SLC14A2: variants seen among roughly 807,000 people sequenced by gnomAD.
SLC14A2 encodes the protein solute carrier family 14 member 2, also known as urea transporter 2.
A neutral mutation model predicts 104.6 loss-of-function variants in SLC14A2; 91 were observed. The ratio of observed to expected loss-of-function variants is 0.87; its 90% confidence interval spans 0.73 to 1.04. The LOEUF is 1.04. Ranked by LOEUF, SLC14A2 falls within the 50% of genes least tolerant of loss-of-function variation. SLC14A2 has a pLI of 0.00. For synonymous variants in SLC14A2, 476 were observed against 466.4 expected, an observed-to-expected ratio of 1.02 and a Z score of -0.27; for missense variants, 1,189 against 1,156.0, an observed-to-expected ratio of 1.03 and a Z score of -0.41.
chr18:45,198,965 A>T, the SLC14A2 span, among the ~76,000 whole-genome samples: 7 of 152,156 alleles, frequency 4.6e-5, no homozygotes, highest in South Asian at 1.2e-3. Flanking sequence ...CTTCTTCTGG[A>T]TTTAATTTTT....
chr18:45,569,436 T>C (rs2044315306), intron 2 of SLC14A2, among the ~76,000 whole-genome samples: 1 of 152,220 alleles, frequency 6.6e-6, no homozygotes, highest in South Asian at 2.1e-4. Context: ...GAATCTACTA[T>C]GAGCTTCCTC....
rs1044993359 is a variant in SLC14A2 at position 45,235,796 on chromosome 18, C to T, written c.-125+22605C>T. Among the ~76,000 whole-genome samples, 59 of 114,288 alleles carry T rather than the reference C, an allele frequency of 5.2e-4. 2 individuals are homozygous for T. Among genetic ancestry groups the T allele is most frequent in the South Asian group, 7.6e-4 (3 of 3,922 alleles). 75.0% of individuals were successfully genotyped at this position (114,288 alleles called of 152,430 possible). ...TGAGTAGCATTCCAATGTGTATGCG[C>T]GTGTGTGTGTGTGTGTGTATATATA... is the stretch of plus-strand genomic sequence containing the variant. On this transcript the variant is annotated intron_variant, in intron 1 of 20. Coordinates refer to the SLC14A2 transcript ENST00000586448.
intron 2 of SLC14A2, among the ~76,000 whole-genome samples, chr18:45,603,192 CA>C (rs1004889391): frequency 3.9e-5 from 6 of 152,066 alleles, no homozygotes; most frequent in African/African-American, 1.4e-4. Context: ...CAATCATTCA[CA>C]ACAGTGAGAA....
At chr18:45,574,914 A>G (rs74354576) in intron 2 of SLC14A2, among the ~76,000 whole-genome samples, 8,585 of 152,210 alleles carry the variant, frequency 0.056, 255 homozygotes, top group Non-Finnish European at 0.064. Flanking sequence ...AGCCTCCTAT[A>G]AATAGCCACC....
At chr18:45,176,106 C>T in the SLC14A2 span, among the ~76,000 whole-genome samples, 88 of 152,052 alleles carry the variant, frequency 5.8e-4, no homozygotes, top group Middle Eastern at 3.2e-3. Context: ...ACTGGCTGTC[C>T]GCCTCTGCCA....
At chr18:45,187,875 T>C in the SLC14A2 span, among the ~76,000 whole-genome samples, 1 of 152,132 alleles carries the variant, frequency 6.6e-6, no homozygotes, top group Admixed American at 6.6e-5. Flanking sequence ...TGAGATTGAG[T>C]CATCTTATGC....
intron 1 of SLC14A2, among the ~76,000 whole-genome samples, chr18:45,422,417 A>G (rs1188856551): frequency 1.3e-5 from 2 of 152,204 alleles, no homozygotes; most frequent in Non-Finnish European, 2.9e-5. Context: ...TAGAAGAAAT[A>G]GTTGGTGCCA....
intron 1 of SLC14A2, among the ~76,000 whole-genome samples, chr18:45,227,172 T>C (rs1301320403): frequency 6.6e-6 from 1 of 152,042 alleles, no homozygotes; most frequent in Non-Finnish European, 1.5e-5. Flanking sequence ...CACACTAGCC[T>C]CCCCAGCTGA....
At chr18:45,279,387 G>A (rs900327288) in intron 1 of SLC14A2, among the ~76,000 whole-genome samples, 2 of 152,188 alleles carry the variant, frequency 1.3e-5, no homozygotes, top group African/African-American at 4.8e-5. Flanking sequence ...TTGAGGGCTT[G>A]CAGTAAAAAG....
At chr18:45,616,586 C>A (rs987937059) in intron 1 of SLC14A2, among the ~76,000 whole-genome samples, 3 of 152,098 alleles carry the variant, frequency 2.0e-5, no homozygotes, top group Non-Finnish European at 4.4e-5. Flanking sequence ...ACTGGGGAGA[C>A]TGAAGTGAGG....
intron 1 of SLC14A2, among the ~76,000 whole-genome samples, chr18:45,617,327 A>C (rs1568300164): frequency 6.6e-6 from 1 of 152,036 alleles, no homozygotes; most frequent in Non-Finnish European, 1.5e-5. Context: ...CCTGCAGCAG[A>C]AACCAGAAAG....
chr18:45,481,467 C>T (rs1274895689), intron 1 of SLC14A2, among the ~76,000 whole-genome samples: 2 of 152,114 alleles, frequency 1.3e-5, no homozygotes, highest in Admixed American at 6.5e-5. Context: ...CCTGAAATTG[C>T]ACCCTTAGCT....
chr18:45,563,808 G>C (rs956155000), intron 2 of SLC14A2, among the ~76,000 whole-genome samples: 1 of 152,058 alleles, frequency 6.6e-6, no homozygotes, highest in Non-Finnish European at 1.5e-5. Flanking sequence ...TATTATTCAC[G>C]GTTTGGAAAG....
intron 1 of SLC14A2, among the ~76,000 whole-genome samples, chr18:45,365,658 G>T (rs916557243): frequency 6.6e-6 from 1 of 152,124 alleles, no homozygotes; most frequent in African/African-American, 2.4e-5. Flanking sequence ...ATACCTCCCT[G>T]CTCGGTGCTC....
chr18:45,258,274 T>C lies in SLC14A2; in HGVS notation c.-125+45083T>C, dbSNP rs954462964. On this transcript the variant is annotated intron_variant, in intron 1 of 20. Transcript: ENST00000586448. The stretch of plus-strand genomic sequence containing the variant: ...CCTTTCTGTGATGGGAGGTTGACAA[T>C]GGTAGGACATAGTGCCCAGGAGCCT... Among the ~76,000 whole-genome samples, 3 of 141,650 alleles carry C rather than the reference T, an allele frequency of 2.1e-5. 1 individual carries two copies. Among genetic ancestry groups the C allele is most frequent in the African/African-American group, 8.4e-5 (3 of 35,752 alleles). 92.9% of individuals were successfully genotyped at this position (141,650 alleles called of 152,430 possible).
Position 45,636,171 on chromosome 18 carries a change from C to T in SLC14A2, c.651-819C>T, listed in dbSNP as rs947179346. Among the ~76,000 whole-genome samples the T allele has an allele frequency of 2.2e-4, 34 of 152,164 alleles. 1 individual carries two copies. Among genetic ancestry groups the T allele is most frequent in the Admixed American group, 5.2e-4 (8 of 15,272 alleles). On this transcript the variant is annotated intron_variant, in intron 5 of 19. Transcript: ENST00000255226. ...AGGAGGGTTTTCAGGAAGTCTTAAA[C>T]GCCTTTTTGAAATTCATGGTCATTC...
intron 1 of SLC14A2, among the ~76,000 whole-genome samples, chr18:45,343,979 C>T (rs991994371): frequency 6.6e-6 from 1 of 152,144 alleles, no homozygotes; most frequent in Non-Finnish European, 1.5e-5. Context: ...TATGAGGGCT[C>T]GTCTCCCAAG....
intron 2 of SLC14A2, among the ~76,000 whole-genome samples, chr18:45,500,596 A>AG (rs2043183326): frequency 6.7e-6 from 1 of 150,220 alleles, no homozygotes; most frequent in African/African-American, 2.4e-5. Flanking sequence ...AAAAAAAAAA[A>AG]GAAATCCTGC....
At chr18:45,494,305 T>C (rs1219216663) in intron 2 of SLC14A2, among the ~76,000 whole-genome samples, 3 of 152,234 alleles carry the variant, frequency 2.0e-5, no homozygotes, top group African/African-American at 7.2e-5. Context: ...CTTCATCATG[T>C]CCATAGTCAC....
Sources: gnomAD v4.1 joint callset for allele counts (sites outside exome capture counted in the v4.1 genomes callset) on GRCh38, gnomAD v4.1.1 for gene constraint, MANE v1.5 for transcripts, NCBI Gene and HGNC (gene_info 2026-07-23, HGNC 2026-07-21) for gene names.